BASP1: variants seen among roughly 807,000 people sequenced by gnomAD.
BASP1 encodes brain abundant membrane attached signal protein 1.
Under a neutral mutation model 2.2 loss-of-function variants are expected in BASP1, and 1 was observed. The ratio of observed to expected loss-of-function variants is 0.46; its 90% confidence interval spans 0.16 to 2.17. The LOEUF (loss-of-function observed/expected upper bound fraction) is 2.17, where lower values mean the gene tolerates loss of function less well. Among genes scored for constraint, BASP1 ranks in the 30% most tolerant of loss-of-function variants. The pLI, the probability that BASP1 is intolerant of heterozygous loss-of-function variation, is 0.27. For synonymous variants in BASP1, 187 were observed against 154.2 expected, an observed-to-expected ratio of 1.21 and a Z score of -1.58; for missense variants, 352 against 327.2, an observed-to-expected ratio of 1.08 and a Z score of -0.58.
intron 1 of BASP1, among the ~76,000 whole-genome samples, chr5:17,268,925 T>C (rs1331501893): frequency 6.6e-6 from 1 of 152,224 alleles, no homozygotes; most frequent in Non-Finnish European, 1.5e-5. Flanking sequence ...TTCTGTAAAA[T>C]AAGAAATACT....
intron 1 of BASP1, among the ~76,000 whole-genome samples, chr5:17,250,030 C>T (rs1378344770): frequency 6.6e-6 from 1 of 152,118 alleles, no homozygotes; most frequent in Non-Finnish European, 1.5e-5. Flanking sequence ...GTAACCTCCG[C>T]CTCTTGGATT....
At chr5:17,250,631 G>C (rs1195494360) in intron 1 of BASP1, among the ~76,000 whole-genome samples, 1 of 152,144 alleles carries the variant, frequency 6.6e-6, no homozygotes, top group Non-Finnish European at 1.5e-5. Context: ...TTGAGACGGA[G>C]TCTCGCTTTG....
Position 17,275,279 on chromosome 5 carries a change from G to A in BASP1, c.63G>A (p.Glu21=). ...GYNVNDEKAK[E]KDKKAEGAAT... ...ATGTGAACGACGAGAAAGCCAAGGA[G>A]AAAGACAAGAAGGCCGAGGGCGCGG... Residue 21 remains glutamate, a synonymous_variant, in exon 2 of 2, where the codon GAG becomes GAA. Coordinates refer to ENST00000322611, the MANE Select transcript of BASP1 (RefSeq NM_006317.5). This position sits in a 1 kb window ranked among gnomAD's most constrained non-coding sequence, Gnocchi z 5.3. 2 of 1,614,010 alleles carry A rather than the reference G, an allele frequency of 1.2e-6. No homozygotes were observed. Among genetic ancestry groups the A allele is most frequent in the Non-Finnish European group, 8.5e-7 (1 of 1,180,002 alleles).
At chr5:17,229,669 C>T (rs1291797260) in intron 1 of BASP1, among the ~76,000 whole-genome samples, 1 of 152,138 alleles carries the variant, frequency 6.6e-6, no homozygotes, top group Non-Finnish European at 1.5e-5. Flanking sequence ...ATGCTCTCCT[C>T]CTGTGTCTAC....
intron 1 of BASP1, among the ~76,000 whole-genome samples, chr5:17,246,065 C>T (rs4365839): frequency 6.6e-6 from 1 of 152,136 alleles, no homozygotes; most frequent in African/African-American, 2.4e-5. Context: ...GAAGGTTTCT[C>T]TGGGGTATTT....
Position 17,268,851 on chromosome 5 carries a change from C to T in BASP1, c.-9-6357C>T, listed in dbSNP as rs528861687. ...AGTAAGAAGGAGTTTACTGGTTTTT[C>T]TTTTTGGGGGGTTTGCTATTATAGC... On this transcript the variant is annotated intron_variant, in intron 1 of 1. Coordinates refer to ENST00000322611, the MANE Select transcript of BASP1 (RefSeq NM_006317.5). 1.8e-3 allele frequency among the ~76,000 whole-genome samples: 275 copies of T among 152,166 alleles called. 1 individual carries two copies. Among genetic ancestry groups the T allele is most frequent in the Non-Finnish European group, 3.1e-3 (208 of 67,976 alleles).
In BASP1 at chr5:17,233,839, A is replaced by G. The variant is rs1028408956; in HGVS notation, c.-10+16029A>G. ...GGTGTCATTTTGGTTTCAAAACTGG[A>G]AAATACAGGCCGGGCGCAGTGGCTC... On this transcript the variant is annotated intron_variant, in intron 1 of 1. Transcript: ENST00000322611. Among the ~76,000 whole-genome samples, 6 of 151,954 alleles carry G rather than the reference A, an allele frequency of 3.9e-5. No homozygotes were observed. The South Asian group carries it at 6.2e-4, about 16-fold the overall frequency.
intron 1 of BASP1, among the ~76,000 whole-genome samples, chr5:17,245,307 CAA>C (rs761635722): frequency 7.0e-4 from 51 of 72,786 alleles, no homozygotes; most frequent in African/African-American, 2.0e-3. Context: ...GACTCCGTCT[CAA>C]AAAAAAAAAA....
rs886808944 is a variant in BASP1 at position 17,227,441 on chromosome 5, G to A, written c.-10+9631G>A. 1.1e-4 allele frequency among the ~76,000 whole-genome samples: 16 copies of A among 150,904 alleles called. 1 individual carries two copies. Among genetic ancestry groups the A allele is most frequent in the Admixed American group, 5.9e-4 (9 of 15,162 alleles). On this transcript the variant is annotated intron_variant, in intron 1 of 1. Coordinates refer to ENST00000322611, the MANE Select transcript of BASP1 (RefSeq NM_006317.5). Reference sequence around the variant, plus strand: ...TTTTTTGACAGAGTCTCGCCGTGTCGCCCAGGCTGGAGTGCAGTGGCACGA... The same window carrying A: ...TTTTTTGACAGAGTCTCGCCGTGTCACCCAGGCTGGAGTGCAGTGGCACGA...
At chr5:17,258,006 C>T (rs562500899) in intron 1 of BASP1, among the ~76,000 whole-genome samples, 81 of 152,316 alleles carry the variant, frequency 5.3e-4, no homozygotes, top group African/African-American at 1.9e-3. Context: ...ACTGCTCTTG[C>T]TTTTCCATAC....
At chr5:17,261,229 C>T (rs1230552190) in intron 1 of BASP1, among the ~76,000 whole-genome samples, 4 of 152,302 alleles carry the variant, frequency 2.6e-5, no homozygotes, top group Non-Finnish European at 5.9e-5. Flanking sequence ...TTCCTTATCT[C>T]AGAAGCTCCT....
At position 17,240,856 on chromosome 5, in the gene BASP1, TA is replaced by T. The variant is rs998424785; in HGVS notation, c.-10+23049del. ...TAAGGTATTTTGTTAGGGTACCTAC[TA>T]AACAAAAAGATAAAACTCTTGTGAT... On this transcript the variant is annotated intron_variant, in intron 1 of 1. Coordinates refer to ENST00000322611, the MANE Select transcript of BASP1 (RefSeq NM_006317.5). The T allele has an allele frequency of 9.8e-4, 149 of 152,316 alleles. 1 individual carries two copies. Among genetic ancestry groups the T allele is most frequent in the African/African-American group, 3.4e-3 (141 of 41,592 alleles). 9.4% of individuals were successfully genotyped at this position (152,316 alleles called of 1,614,324 possible).
intron 1 of BASP1, among the ~76,000 whole-genome samples, chr5:17,221,780 G>T (rs1579478182): frequency 6.6e-6 from 1 of 152,090 alleles, no homozygotes; most frequent in African/African-American, 2.4e-5. Context: ...GGAACTGTGA[G>T]GTTGCAAATA....
rs570905368 is a variant in BASP1, at chr5:17,251,504, G to A, written c.-9-23704G>A. ...TCTTCCTTCCACAGTGTTGGTTTCT[G>A]TGGAAGGGTCCAAACAGCGGCTGGA... On this transcript the variant is annotated intron_variant, in intron 1 of 1. Coordinates refer to ENST00000322611, the MANE Select transcript of BASP1 (RefSeq NM_006317.5). The surrounding 1 kb of genome is among the most constrained non-coding windows in gnomAD (Gnocchi z 4.0). Among the ~76,000 whole-genome samples, 1 of 152,340 alleles carries A rather than the reference G, an allele frequency of 6.6e-6. No homozygotes were observed. Among genetic ancestry groups the A allele is most frequent in the South Asian group, 2.1e-4 (1 of 4,828 alleles).
chr5:17,274,792 CTTAA>C (rs747471016), intron 1 of BASP1, among the ~76,000 whole-genome samples: 20 of 152,336 alleles, frequency 1.3e-4, no homozygotes, highest in Non-Finnish European at 1.9e-4. Context: ...GCAGAACTCA[CTTAA>C]TTGAGCTCCT....
intron 1 of BASP1, among the ~76,000 whole-genome samples, chr5:17,268,703 TG>T (rs1354189964): frequency 1.3e-5 from 2 of 152,182 alleles, no homozygotes; most frequent in African/African-American, 4.8e-5. Flanking sequence ...AACAAGCAAT[TG>T]GAAAACTCGG....
At chr5:17,267,582 G>T (rs1195958410) in intron 1 of BASP1, among the ~76,000 whole-genome samples, 2 of 151,082 alleles carry the variant, frequency 1.3e-5, no homozygotes, top group African/African-American at 2.4e-5. Flanking sequence ...GCGGTGGCAC[G>T]ATCTCATCCC....
At chr5:17,268,554 G>T (rs1740469910) in intron 1 of BASP1, among the ~76,000 whole-genome samples, 1 of 152,180 alleles carries the variant, frequency 6.6e-6, no homozygotes, top group African/African-American at 2.4e-5. Flanking sequence ...GAAATTCTTA[G>T]CTATTAAAAT....
chr5:17,275,462 C>A lies in BASP1; in HGVS notation c.246C>A (p.Ala82=), dbSNP rs772455497. ...EKDAAAAKEE[A]PKAEPEKTEG... is the part of the protein sequence containing the mutation. The stretch of plus-strand genomic sequence containing the variant: ...ACGCGGCGGCTGCCAAGGAGGAGGC[C>A]CCGAAGGCGGAGCCCGAGAAGACGG... Residue 82 remains alanine (A), a synonymous_variant, in exon 2 of 2, where the codon GCC becomes GCA. Transcript: ENST00000322611. The surrounding 1 kb of genome is among the most constrained non-coding windows in gnomAD (Gnocchi z 5.3). The A allele has an allele frequency of 2.5e-5, 38 of 1,504,238 alleles. No homozygotes were observed. The highest frequency in any genetic ancestry group is 2.7e-5 in the Non-Finnish European group (31 of 1,128,628). 93.2% of individuals were successfully genotyped at this position (1,504,238 alleles called of 1,614,324 possible).
Sources: gnomAD v4.1 joint callset for allele counts (sites outside exome capture counted in the v4.1 genomes callset) on GRCh38, gnomAD v4.1.1 for gene constraint, Gnocchi (gnomAD v3.1) non-coding constraint, MANE v1.5 for transcripts, NCBI Gene and HGNC (gene_info 2026-07-23, HGNC 2026-07-21) for gene names.